The following DPP6 variants were observed in gnomAD, a reference collection of about 807,000 sequenced individuals.
DPP6 encodes A-type potassium channel modulatory protein DPP6.
DPP6 carries 69 observed loss-of-function variants against 122.6 expected under a neutral mutation model. The observed-to-expected ratio is 0.56, with a 90% CI of 0.46 to 0.69. The LOEUF (loss-of-function observed/expected upper bound fraction) is 0.69, where lower values mean the gene tolerates loss of function less well. Ranked by LOEUF, DPP6 falls within the 30% of genes least tolerant of loss-of-function variation. The pLI is 0.00. For synonymous variants in DPP6, 418 were observed against 433.1 expected, an observed-to-expected ratio of 0.97 and a Z score of 0.43; for missense variants, 928 against 1,116.9, an observed-to-expected ratio of 0.83 and a Z score of 2.41.
chr7:154,740,749 C>T (rs1842779800), intron 8 of DPP6, among the ~76,000 whole-genome samples: 1 of 152,124 alleles, frequency 6.6e-6, no homozygotes, highest in Non-Finnish European at 1.5e-5. Flanking sequence ...GGGCTGGGCA[C>T]GTGGGTATCT....
chr7:154,007,858 G>A (rs1315380694), intron 1 of DPP6, among the ~76,000 whole-genome samples: 7 of 152,080 alleles, frequency 4.6e-5, no homozygotes, highest in African/African-American at 1.7e-4. Context: ...CCAGGTGTGT[G>A]GGCAGACGAG....
chr7:154,659,996 C>T (rs1246987336), intron 6 of DPP6, among the ~76,000 whole-genome samples: 3 of 152,188 alleles, frequency 2.0e-5, no homozygotes, highest in Non-Finnish European at 2.9e-5. Context: ...GTGATCCACA[C>T]GTCATAAGGT....
At chr7:154,110,348 T>C (rs1396057244) in intron 1 of DPP6, among the ~76,000 whole-genome samples, 3 of 152,044 alleles carry the variant, frequency 2.0e-5, no homozygotes, top group African/African-American at 7.2e-5. Flanking sequence ...TACTAAGGAG[T>C]TGTGTTACAT....
chr7:154,529,176 A>G (rs1045778436), intron 3 of DPP6, among the ~76,000 whole-genome samples: 7 of 152,174 alleles, frequency 4.6e-5, no homozygotes, highest in African/African-American at 1.7e-4. Context: ...AATGAAGAAG[A>G]CAGGTGATTT....
chr7:154,330,030 G>T (rs1187462513), intron 1 of DPP6, among the ~76,000 whole-genome samples: 1 of 152,128 alleles, frequency 6.6e-6, no homozygotes, highest in Non-Finnish European at 1.5e-5. Flanking sequence ...GGGGCCTGTC[G>T]GGCGGTGGAG....
At position 154,008,243 on chromosome 7, in the gene DPP6, G is replaced by A. The variant is rs186014777; in HGVS notation, c.51+120509G>A. ...GTCCACACCCCTGAGAAACAAGAGA[G>A]CCAGAGAACCCGTGGGCAGCTCTCA... On this transcript the variant is annotated intron_variant, in intron 1 of 25. Transcript: ENST00000404039. Among the ~76,000 whole-genome samples, 316 of 152,306 alleles carry A rather than the reference G, an allele frequency of 2.1e-3. 2 individuals are homozygous for A. The highest frequency in any genetic ancestry group is 7.2e-3 in the African/African-American group (298 of 41,566).
intron 5 of DPP6, chr7:154,587,444 C>A: frequency 1.6e-6 from 1 of 620,218 alleles, no homozygotes; most frequent in Non-Finnish European, 2.8e-6. Flanking sequence ...CCTGTGCATC[C>A]CACACAGCCT....
intron 4 of DPP6, among the ~76,000 whole-genome samples, chr7:154,556,394 G>T (rs890043576): frequency 1.3e-5 from 2 of 152,114 alleles, no homozygotes; most frequent in Non-Finnish European, 2.9e-5. Flanking sequence ...AAAAACTGGA[G>T]AATTTGAAAG....
At chr7:154,567,022 A>G (rs1446357431) in intron 5 of DPP6, 106 bp downstream of exon 5, 12 of 825,612 alleles carry the variant, frequency 1.5e-5, no homozygotes, top group Non-Finnish European at 2.3e-5. Flanking sequence ...TTGAATCCAG[A>G]AATACTTTGT....
intron 6 of DPP6, among the ~76,000 whole-genome samples, chr7:154,664,221 T>G (rs1837992595): frequency 6.8e-6 from 1 of 147,944 alleles, no homozygotes; most frequent in South Asian, 2.2e-4. Flanking sequence ...TCACCATGGC[T>G]TGTTGGCCCT....
chr7:154,864,094 G>A (rs1034748959), intron 17 of DPP6, among the ~76,000 whole-genome samples: 1 of 152,192 alleles, frequency 6.6e-6, no homozygotes, highest in African/African-American at 2.4e-5. Flanking sequence ...GGGGAAGTCA[G>A]GCCAAGGCAA....
At chr7:154,608,320 CATATAT>C (rs35662023) in intron 5 of DPP6, among the ~76,000 whole-genome samples, 8 of 89,960 alleles carry the variant, frequency 8.9e-5, no homozygotes, top group African/African-American at 1.8e-4. Flanking sequence ...TAGGAGTGAT[CATATAT>C]ATATATATAT....
chr7:154,238,075 A>T (rs1801335653), intron 1 of DPP6, among the ~76,000 whole-genome samples: 1 of 152,192 alleles, frequency 6.6e-6, no homozygotes, highest in East Asian at 1.9e-4. Context: ...TGTCTAACGG[A>T]TCCTTTTCCT....
chr7:154,141,605 A>G (rs1585470939), intron 1 of DPP6, among the ~76,000 whole-genome samples: 1 of 152,214 alleles, frequency 6.6e-6, no homozygotes, highest in African/African-American at 2.4e-5. Context: ...ACTTTGCAAC[A>G]TTTCCCTTTC....
intron 3 of DPP6, among the ~76,000 whole-genome samples, chr7:154,504,043 C>T (rs1471828430): frequency 2.0e-5 from 3 of 152,204 alleles, no homozygotes; most frequent in Admixed American, 6.5e-5. Context: ...TCCCTGCTTG[C>T]TAACATTGAT....
At chr7:154,494,928 C>A (rs560069592) in intron 3 of DPP6, among the ~76,000 whole-genome samples, 2 of 152,168 alleles carry the variant, frequency 1.3e-5, no homozygotes, top group Non-Finnish European at 2.9e-5. Flanking sequence ...GGTGCTTTCT[C>A]GAGATACAGA....
At chr7:154,147,361 A>G (rs1479758663) in intron 1 of DPP6, among the ~76,000 whole-genome samples, 1 of 152,176 alleles carries the variant, frequency 6.6e-6, no homozygotes, top group Non-Finnish European at 1.5e-5. Flanking sequence ...TAAAGGCAAA[A>G]GTCTCAATGG....
chr7:154,889,341 G>T lies in DPP6; in HGVS notation c.2374G>T (p.Asp792Tyr). The change falls in exon 24 of 26, where the codon GAT (aspartate) becomes TAT (tyrosine). Residue 792 changes from aspartate to tyrosine, a missense_variant. Coordinates refer to ENST00000377770, the MANE Select transcript of DPP6 (RefSeq NM_130797.4). The part of the protein sequence containing the change: ...QQFLIIHPTA[D>Y]EKIHFQHTAE... ...GTTCCTGATCATTCATCCCACTGCC[G>T]ATGGTAAGGACTGAAAACATGAATT... is the stretch of plus-strand genomic sequence containing the variant. The T allele has an allele frequency of 6.2e-7, 1 of 1,612,346 alleles. No individual in the cohort carries two copies. Among genetic ancestry groups the T allele is most frequent in the Non-Finnish European group, 8.5e-7 (1 of 1,179,538 alleles).
At chr7:154,082,846 C>CTTTTT (rs1174987723) in intron 1 of DPP6, among the ~76,000 whole-genome samples, 17 of 106,228 alleles carry the variant, frequency 1.6e-4, no homozygotes, top group South Asian at 3.3e-4. Context: ...TTTTCTTTTT[C>CTTTTT]TTTTTTTTTT....
Sources: allele counts gnomAD v4.1 joint callset (sites outside exome capture counted in the v4.1 genomes callset), GRCh38; gene constraint gnomAD v4.1.1; transcripts MANE v1.5; gene names NCBI Gene and HGNC (gene_info 2026-07-23, HGNC 2026-07-21).